MTIF2: variants seen among roughly 807,000 people sequenced by gnomAD.
The protein encoded by MTIF2 is translation initiation factor IF-2, mitochondrial.
Under a neutral mutation model 83.5 loss-of-function variants are expected in MTIF2, and 71 were observed. That is an observed-to-expected ratio of 0.85 (90% CI 0.70 to 1.04). MTIF2 has a LOEUF of 1.04. Ranked by LOEUF, MTIF2 falls within the 50% of genes least tolerant of loss-of-function variation. The pLI is 0.00. For missense variants in MTIF2, 957 were observed against 846.5 expected, an observed-to-expected ratio of 1.13 and a Z score of -1.62; for synonymous variants, 319 against 287.1, an observed-to-expected ratio of 1.11 and a Z score of -1.12.
Position 55,263,635 on chromosome 2 carries a change from A to G in MTIF2, c.219+5T>C, listed in dbSNP as rs1176790812. Reference sequence around the variant, plus strand: ...AAAAAAAAAAAAAAAGAAATCTGTAACTACCTTTTTTGTTACTAGAAGCCT... The same window carrying G: ...AAAAAAAAAAAAAAAGAAATCTGTAGCTACCTTTTTTGTTACTAGAAGCCT... On this transcript the variant is annotated splice_donor_5th_base_variant and intron_variant, in intron 4 of 15. Transcript: ENST00000263629. 3.2e-6 allele frequency: 5 copies of G among 1,585,702 alleles called. No individual in the cohort carries two copies. The highest frequency in any genetic ancestry group is 3.8e-5 in the Admixed American group (2 of 52,826).
intron 5 of MTIF2, among the ~76,000 whole-genome samples, chr2:55,262,063 C>G (rs1439883789): frequency 6.6e-6 from 1 of 151,910 alleles, no homozygotes; most frequent in South Asian, 2.1e-4. Context: ...ACAAAACTTC[C>G]GAGAAAGAAA....
At chr2:55,241,922 T>G (rs1230704335) in intron 13 of MTIF2, among the ~76,000 whole-genome samples, 1 of 151,900 alleles carries the variant, frequency 6.6e-6, no homozygotes, top group Non-Finnish European at 1.5e-5. Flanking sequence ...CCAAAACAGG[T>G]AGACCACCTA....
chr2:55,265,471 T>C (rs1322597871), intron 3 of MTIF2, among the ~76,000 whole-genome samples: 1 of 151,866 alleles, frequency 6.6e-6, no homozygotes, highest in Non-Finnish European at 1.5e-5. Flanking sequence ...CGTGTTTTCA[T>C]TGCAATAATA....
At chr2:55,267,690 A>G (rs1397181500) in intron 2 of MTIF2, 55 bp from the exon 3 acceptor site, 2 of 155,906 alleles carry the variant, frequency 1.3e-5, no homozygotes, top group African/African-American at 4.8e-5. Context: ...TCCTATTACA[A>G]GACTAAGAGG....
At chr2:55,255,952 C>A (rs1269826138) in intron 5 of MTIF2, among the ~76,000 whole-genome samples, 1 of 152,066 alleles carries the variant, frequency 6.6e-6, no homozygotes, top group Non-Finnish European at 1.5e-5. Flanking sequence ...TCTCGGCTAG[C>A]TGCAGCCTCT....
intron 14 of MTIF2, among the ~76,000 whole-genome samples, chr2:55,238,236 T>TG (rs1246382806): frequency 6.6e-6 from 1 of 151,902 alleles, no homozygotes; most frequent in Non-Finnish European, 1.5e-5. Flanking sequence ...AGGCTGGTCT[T>TG]GAATTCGTGG....
intron 13 of MTIF2, among the ~76,000 whole-genome samples, chr2:55,241,837 C>A (rs1676337006): frequency 6.6e-6 from 1 of 151,710 alleles, no homozygotes; most frequent in African/African-American, 2.4e-5. Context: ...AAGCAAAACT[C>A]CGTCTCAAGA....
intron 5 of MTIF2, among the ~76,000 whole-genome samples, chr2:55,260,383 A>G (rs1427573127): frequency 1.3e-5 from 2 of 150,610 alleles, no homozygotes; most frequent in African/African-American, 4.9e-5. Flanking sequence ...CTGGTTAACA[A>G]GAGTGAAACT....
rs904308203 is a variant in MTIF2, at chr2:55,263,621, A to G, written c.219+19T>C. 3.8e-6 allele frequency: 6 copies of G among 1,575,672 alleles called. No homozygotes were observed. The African/African-American group carries it at 4.1e-5, about 11-fold the overall frequency. Reference sequence around the variant, plus strand: ...TGAGACTCCATCTCAAAAAAAAAAAAAAAGAAATCTGTAACTACCTTTTTT... The same window carrying G: ...TGAGACTCCATCTCAAAAAAAAAAAGAAAGAAATCTGTAACTACCTTTTTT... On this transcript the variant is annotated intron_variant, in intron 4 of 15. Coordinates refer to ENST00000263629, the MANE Select transcript of MTIF2 (RefSeq NM_002453.3).
At chr2:55,257,181 T>G (rs866453143) in intron 5 of MTIF2, among the ~76,000 whole-genome samples, 20 of 151,808 alleles carry the variant, frequency 1.3e-4, no homozygotes, top group African/African-American at 4.3e-4. Flanking sequence ...ATTTAAAGAG[T>G]AGATATGAAA....
chr2:55,249,367 C>A lies in MTIF2; in HGVS notation c.981+28G>T, dbSNP rs565824159. The A allele has an allele frequency of 1.2e-4, 199 of 1,611,312 alleles. No individual in the cohort carries two copies. The South Asian group carries it at 2.1e-3, about 17-fold the overall frequency. ...ATTATGTACAGCATTCCCATCCAGG[C>A]ATATTTATATGAGGTCCCCGCATTT... On this transcript the variant is annotated intron_variant, in intron 9 of 15. Transcript: ENST00000263629.
Position 55,265,168 on chromosome 2 carries a change from G to A in MTIF2, c.-7-1303C>T, listed in dbSNP as rs920237866. Among the ~76,000 whole-genome samples, 9 of 151,440 alleles carry A rather than the reference G, an allele frequency of 5.9e-5. No homozygotes were observed. The East Asian group carries it at 7.8e-4, about 13-fold the overall frequency. On this transcript the variant is annotated intron_variant, in intron 3 of 15. Coordinates refer to ENST00000263629, the MANE Select transcript of MTIF2 (RefSeq NM_002453.3). ...TGAGGCAGGAGAATCACTTGAACCCGGGAGGTCGAGGTTGCAGTGAGCCGA... is the reference window on the plus strand; with the variant it reads ...TGAGGCAGGAGAATCACTTGAACCCAGGAGGTCGAGGTTGCAGTGAGCCGA...
intron 3 of MTIF2, among the ~76,000 whole-genome samples, chr2:55,266,820 T>C (rs923877547): frequency 1.4e-5 from 2 of 145,552 alleles, no homozygotes; most frequent in Non-Finnish European, 3.0e-5. Context: ...CAGGGTGGAG[T>C]TCAGTGGTGT....
At chr2:55,256,873 AT>A (rs71410492) in intron 5 of MTIF2, among the ~76,000 whole-genome samples, 105,042 of 151,336 alleles carry the variant, frequency 0.69, 37,794 homozygotes, top group Non-Finnish European at 0.79. Flanking sequence ...CATCCTACTA[AT>A]TTTTTGTAGA....
At position 55,244,110 on chromosome 2, in the gene MTIF2, G is replaced by A. The variant is rs2104326903; in HGVS notation, c.1230C>T (p.Ala410=). 6.2e-7 allele frequency: 1 copy of A among 1,614,100 alleles called. No individual in the cohort carries two copies. Among genetic ancestry groups the A allele is most frequent in the Middle Eastern group, 1.6e-4 (1 of 6,062 alleles). Residue 410 remains alanine, a synonymous_variant, in exon 11 of 16, where the codon GCC becomes GCT. Coordinates refer to ENST00000263629, the MANE Select transcript of MTIF2 (RefSeq NM_002453.3). The part of the protein sequence containing the change: ...FDENGKTIDE[A]YPSMPVGITG... ...TAATTCCCACTGGCATGCTGGGATA[G>A]GCCTCATCAATTGTTTTTCCATTTT...
rs79235708 is a variant in MTIF2 at position 55,240,080 on chromosome 2, G to A, written c.1801C>T (p.Arg601Cys). The A allele has an allele frequency of 9.5e-4, 1,528 of 1,613,616 alleles. 1 individual carries two copies. The highest frequency in any genetic ancestry group is 1.2e-3 in the Non-Finnish European group (1,427 of 1,179,962). Reference protein sequence around the residue: ...VKIKLHKIIYRLVEDLQEELS... With the variant: ...VKIKLHKIIYCLVEDLQEELS... Reference sequence around the variant, plus strand: ...TCCTCTTGCAAATCTTCAACAAGACGGTAAATTATTTTGTGAAGTTTAATT... The same window carrying A: ...TCCTCTTGCAAATCTTCAACAAGACAGTAAATTATTTTGTGAAGTTTAATT... Residue 601 changes from arginine to cysteine, a missense_variant, in exon 14 of 16, where the codon CGT becomes TGT. By Grantham distance (180) the Arg-to-Cys change is radical. Transcript: ENST00000263629.
At chr2:55,238,940 G>A (rs1676096957) in intron 14 of MTIF2, among the ~76,000 whole-genome samples, 1 of 152,154 alleles carries the variant, frequency 6.6e-6, no homozygotes, top group African/African-American at 2.4e-5. Flanking sequence ...AATCTGTTAT[G>A]TAGACCAAAA....
intron 6 of MTIF2, 108 bp from the exon 7 acceptor site, chr2:55,254,309 A>G (rs1677344508): frequency 7.9e-7 from 1 of 1,273,830 alleles, no homozygotes; most frequent in Non-Finnish European, 1.1e-6. Flanking sequence ...AATAAAACCC[A>G]ATATTCAGTG....
Position 55,243,643 on chromosome 2 carries a change from C to T in MTIF2, c.1337G>A (p.Trp446Ter). ...CTCCTGTTCTTGTTCATATTTCCTC[C>T]AGTCAACAACTTCACGTGCCCTTGG... ...SEPRAREVVDWRKYEQEQEKG... is the reference protein window; with the variant it reads ...SEPRAREVVD Residue 446 changes from tryptophan to a stop codon, truncating the protein, a stop_gained, in exon 12 of 16, where the codon TGG becomes TAG. Transcript: ENST00000263629. LOFTEE classifies it high-confidence loss of function. 6.2e-7 allele frequency: 1 copy of T among 1,613,614 alleles called. No homozygotes were observed. The highest frequency in any genetic ancestry group is 8.5e-7 in the Non-Finnish European group (1 of 1,179,920).
Sources: allele counts gnomAD v4.1 joint callset (sites outside exome capture counted in the v4.1 genomes callset), GRCh38; gene constraint gnomAD v4.1.1; transcripts MANE v1.5; gene names NCBI Gene and HGNC (gene_info 2026-07-23, HGNC 2026-07-21).